CDK19: variants seen among roughly 807,000 people sequenced by gnomAD.
The protein encoded by CDK19 is cyclin dependent kinase 19, also known as cyclin-dependent kinase 19.
A neutral mutation model predicts 68.3 loss-of-function variants in CDK19; 20 were observed. That is an observed-to-expected ratio of 0.29 (90% CI 0.21 to 0.43). CDK19 has a LOEUF of 0.43. CDK19 is among the 20% of genes least tolerant of loss of function. The pLI, the probability that CDK19 is intolerant of heterozygous loss-of-function variation, is 1.00. For missense variants in CDK19, 339 were observed against 623.5 expected, an observed-to-expected ratio of 0.54 and a Z score of 4.86; for synonymous variants, 221 against 222.8, an observed-to-expected ratio of 0.99 and a Z score of 0.07.
chr6:110,645,182 T>G (rs1275364877), intron 4 of CDK19, among the ~76,000 whole-genome samples: 6 of 152,302 alleles, frequency 3.9e-5, no homozygotes, highest in South Asian at 2.1e-4. Flanking sequence ...ACATGGAACA[T>G]TTACAAATAC....
At chr6:110,796,666 T>TA (rs998351764) in intron 1 of CDK19, among the ~76,000 whole-genome samples, 2 of 150,984 alleles carry the variant, frequency 1.3e-5, no homozygotes, top group Non-Finnish European at 2.9e-5. Flanking sequence ...AATAAATAAA[T>TA]AAAAATAAAA....
chr6:110,721,912 C>T (rs1359131741), intron 2 of CDK19, among the ~76,000 whole-genome samples: 3 of 151,994 alleles, frequency 2.0e-5, no homozygotes, highest in African/African-American at 7.2e-5. Flanking sequence ...TGCAGTGAGC[C>T]GAGATCACGC....
chr6:110,803,833 T>C (rs1262373176), intron 1 of CDK19, among the ~76,000 whole-genome samples: 1 of 152,112 alleles, frequency 6.6e-6, no homozygotes, highest in Non-Finnish European at 1.5e-5. Context: ...TCAGGCATGG[T>C]GGTAACATGC....
chr6:110,616,678 A>C (rs1361367697), intron 12 of CDK19, among the ~76,000 whole-genome samples: 4 of 151,988 alleles, frequency 2.6e-5, no homozygotes, highest in Admixed American at 2.6e-4. Flanking sequence ...CAAAAAAAAA[A>C]AAACAAAACA....
intron 4 of CDK19, among the ~76,000 whole-genome samples, chr6:110,644,815 G>T (rs925754907): frequency 6.6e-6 from 1 of 151,990 alleles, no homozygotes; most frequent in Non-Finnish European, 1.5e-5. Flanking sequence ...GGGGAGGCAG[G>T]GGGGAAGATA....
intron 1 of CDK19, among the ~76,000 whole-genome samples, chr6:110,799,930 G>C (rs1782232564): frequency 6.6e-6 from 1 of 152,136 alleles, no homozygotes; most frequent in African/African-American, 2.4e-5. Context: ...ACAGTTGATT[G>C]AATCTGTGGA....
chr6:110,801,403 T>A (rs771896780), intron 1 of CDK19, among the ~76,000 whole-genome samples: 1 of 152,176 alleles, frequency 6.6e-6, no homozygotes, highest in African/African-American at 2.4e-5. Context: ...GAGAATTGCT[T>A]AGGCCCAGGA....
chr6:110,678,079 T>G (rs1275334016), intron 2 of CDK19, among the ~76,000 whole-genome samples: 1 of 152,038 alleles, frequency 6.6e-6, no homozygotes, highest in Non-Finnish European at 1.5e-5. Context: ...AGCTTCTGGC[T>G]TCAAGTGATC....
chr6:110,614,584 G>A lies in CDK19; in HGVS notation c.1460C>T (p.Ser487Phe). 1 of 1,614,084 alleles carries A rather than the reference G, an allele frequency of 6.2e-7. No individual in the cohort carries two copies. The highest frequency in any genetic ancestry group is 8.5e-7 in the Non-Finnish European group (1 of 1,179,938). The change falls in exon 13 of 13, where the codon TCT (serine) becomes TTT (phenylalanine). Residue 487 changes from serine to phenylalanine, a missense_variant. By Grantham distance (155) the Ser-to-Phe change is radical. This residue lies in a region of CDK19 where 155 missense variants were observed against 222.7 expected (regional missense o/e 0.70). Transcript: ENST00000368911. ...SQSTLGYSSS[S>F]QQSSQYHPSH... ...TGGGTGGTACTGTGAGCTCTGCTGA[G>A]ACGAGGAAGAGTAGCCAAGTGTGCT...
At position 110,638,638 on chromosome 6, in the gene CDK19, T is replaced by C; in HGVS notation, c.514+11A>G. 7.4e-7 allele frequency: 1 copy of C among 1,358,426 alleles called. No individual in the cohort carries two copies. Among genetic ancestry groups the C allele is most frequent in the Admixed American group, 1.7e-5 (1 of 58,402 alleles). The allele number at this position is 1,358,426 out of a possible 1,614,324, so 84.1% of individuals were successfully genotyped here. A position where few individuals can be genotyped will look rare whatever the true frequency, so the allele number is the denominator to read the frequency against. On this transcript the variant is annotated intron_variant, in intron 5 of 12. Transcript: ENST00000368911. ...GTTTTTAAATAAATTATTTTAGGAA[T>C]AATTACCTACCTATTTTGACTCTCC...
chr6:110,726,631 C>T (rs1776333656), intron 2 of CDK19, among the ~76,000 whole-genome samples: 1 of 151,874 alleles, frequency 6.6e-6, no homozygotes, highest in African/African-American at 2.4e-5. Flanking sequence ...TATCTGTTAA[C>T]AAAAAAACTA....
At chr6:110,623,997 T>C (rs1778929734) in intron 8 of CDK19, among the ~76,000 whole-genome samples, 1 of 150,938 alleles carries the variant, frequency 6.6e-6, no homozygotes, top group Non-Finnish European at 1.5e-5. Context: ...TGGGTACATT[T>C]TTATACATTC....
intron 1 of CDK19, among the ~76,000 whole-genome samples, chr6:110,761,887 G>C (rs570432661): frequency 3.7e-4 from 56 of 152,236 alleles, no homozygotes; most frequent in African/African-American, 1.3e-3. Context: ...TTAACCAACT[G>C]AGATATGGAG....
At chr6:110,744,560 A>G (rs866941081) in intron 2 of CDK19, among the ~76,000 whole-genome samples, 9 of 152,090 alleles carry the variant, frequency 5.9e-5, no homozygotes, top group Admixed American at 5.9e-4. Flanking sequence ...TAAAAGTAAC[A>G]CAAACTTAGA....
intron 2 of CDK19, among the ~76,000 whole-genome samples, chr6:110,736,408 T>G (rs114981720): frequency 3.2e-4 from 49 of 152,208 alleles, no homozygotes; most frequent in Non-Finnish European, 6.8e-4. Flanking sequence ...GTACTAATAG[T>G]AACTTGCCAA....
chr6:110,683,811 C>T (rs747806205), intron 2 of CDK19, among the ~76,000 whole-genome samples: 4 of 150,134 alleles, frequency 2.7e-5, no homozygotes, highest in African/African-American at 4.9e-5. Flanking sequence ...AAGTGATTCT[C>T]CTGCCTCAGC....
At chr6:110,625,840 T>C (rs980661804) in intron 8 of CDK19, among the ~76,000 whole-genome samples, 32 of 152,216 alleles carry the variant, frequency 2.1e-4, no homozygotes, top group Non-Finnish European at 4.6e-4. Flanking sequence ...ATTCTCTATT[T>C]CTCTTTATGA....
intron 4 of CDK19, among the ~76,000 whole-genome samples, chr6:110,660,796 A>C (rs1781574472): frequency 6.6e-6 from 1 of 152,190 alleles, no homozygotes. Context: ...TTTTATGGGC[A>C]CAGGATGGGG....
chr6:110,706,178 G>C (rs554693559), intron 2 of CDK19, among the ~76,000 whole-genome samples: 1 of 150,526 alleles, frequency 6.6e-6, no homozygotes, highest in South Asian at 2.1e-4. Context: ...TCAGCCTCCC[G>C]AGTAGCTGGG....
Sources: gnomAD v4.1 joint callset for allele counts (sites outside exome capture counted in the v4.1 genomes callset) on GRCh38, gnomAD v4.1.1 for gene constraint, gnomAD v4.1.1 regional missense constraint, MANE v1.5 for transcripts, NCBI Gene and HGNC (gene_info 2026-07-23, HGNC 2026-07-21) for gene names.